The following UNC5D variants were observed in gnomAD, a reference collection of about 807,000 sequenced individuals.
UNC5D encodes unc-5 netrin receptor D.
UNC5D carries 39 observed loss-of-function variants against 105.4 expected under a neutral mutation model. The ratio of observed to expected loss-of-function variants is 0.37; its 90% CI spans 0.29 to 0.48. UNC5D has a LOEUF of 0.48. Ranked by LOEUF, UNC5D falls within the 20% of genes least tolerant of loss-of-function variation. The probability of loss-of-function intolerance (pLI) is 0.98; values close to 1 mark genes in which losing one functional copy is unlikely to be tolerated. For synonymous variants in UNC5D, 452 were observed against 450.4 expected (o/e 1.00, Z -0.04); for missense variants, 991 against 1,202.4 (o/e 0.82, Z 2.60).
intron 4 of UNC5D, among the ~76,000 whole-genome samples, chr8:35,643,045 T>C (rs1822845499): frequency 6.6e-6 from 1 of 152,122 alleles, no homozygotes; most frequent in Non-Finnish European, 1.5e-5. Flanking sequence ...CTGTTTCTTG[T>C]CTATAGGAGA....
chr8:35,440,779 T>C (rs1807343810), intron 1 of UNC5D, among the ~76,000 whole-genome samples: 1 of 152,002 alleles, frequency 6.6e-6, no homozygotes, highest in South Asian at 2.1e-4. Flanking sequence ...ATAAAACATT[T>C]GTCACAAGTG....
At chr8:35,238,067 T>G (rs1802583134) in intron 1 of UNC5D, among the ~76,000 whole-genome samples, 2 of 152,238 alleles carry the variant, frequency 1.3e-5, no homozygotes, top group Non-Finnish European at 2.9e-5. Flanking sequence ...TTAATAGTTT[T>G]TGTTCTTTAG....
intron 3 of UNC5D, among the ~76,000 whole-genome samples, chr8:35,589,904 G>A (rs963003521): frequency 6.6e-6 from 1 of 151,948 alleles, no homozygotes; most frequent in Non-Finnish European, 1.5e-5. Flanking sequence ...ATTACAGCTC[G>A]CTCTTCATGT....
chr8:35,635,873 T>G (rs1028069861), intron 4 of UNC5D, among the ~76,000 whole-genome samples: 1 of 152,190 alleles, frequency 6.6e-6, no homozygotes, highest in Non-Finnish European at 1.5e-5. Context: ...GTTTTCAGCC[T>G]TTCCTCTCTC....
chr8:35,533,616 C>T (rs917382998), intron 1 of UNC5D, among the ~76,000 whole-genome samples: 2 of 152,254 alleles, frequency 1.3e-5, no homozygotes, highest in African/African-American at 4.8e-5. Context: ...CTAAGCAAGC[C>T]TGGACAATGG....
intron 16 of UNC5D, among the ~76,000 whole-genome samples, chr8:35,788,490 T>A (rs189407030): frequency 1.5e-3 from 223 of 152,312 alleles, no homozygotes; most frequent in Middle Eastern, 3.4e-3. Flanking sequence ...CATAGAAAAG[T>A]TACTGTCCTA....
chr8:35,258,068 G>T (rs1038933097), intron 1 of UNC5D, among the ~76,000 whole-genome samples: 3 of 152,156 alleles, frequency 2.0e-5, no homozygotes, highest in African/African-American at 7.2e-5. Flanking sequence ...TTGGAGGTTG[G>T]CAAGTCCAAG....
At chr8:35,707,139 T>C (rs1274053463) in intron 8 of UNC5D, among the ~76,000 whole-genome samples, 1 of 152,182 alleles carries the variant, frequency 6.6e-6, no homozygotes, top group Non-Finnish European at 1.5e-5. Context: ...ATGAGCTAAC[T>C]TCTTTGAGAG....
At chr8:35,360,827 A>G (rs762200133) in intron 1 of UNC5D, among the ~76,000 whole-genome samples, 3 of 152,090 alleles carry the variant, frequency 2.0e-5, no homozygotes, top group Non-Finnish European at 4.4e-5. Context: ...TAAAACACAC[A>G]TTGCAGCTAC....
intron 1 of UNC5D, among the ~76,000 whole-genome samples, chr8:35,497,851 C>T (rs1015795291): frequency 1.3e-5 from 2 of 151,878 alleles, no homozygotes; most frequent in South Asian, 2.1e-4. Flanking sequence ...AGGTGGATCA[C>T]CTGAGGTCAG....
chr8:35,593,324 A>T (rs1410952198), intron 3 of UNC5D, among the ~76,000 whole-genome samples: 1 of 152,218 alleles, frequency 6.6e-6, no homozygotes, highest in Non-Finnish European at 1.5e-5. Context: ...AATTTGCACT[A>T]TATGTTTTCT....
At chr8:35,323,192 T>A (rs562316389) in intron 1 of UNC5D, among the ~76,000 whole-genome samples, 1 of 62,112 alleles carries the variant, frequency 1.6e-5, no homozygotes, top group Non-Finnish European at 4.7e-5. Context: ...CTTTTTCTTT[T>A]TTTTTTTTTT....
chr8:35,383,954 C>G (rs747234165), intron 1 of UNC5D, among the ~76,000 whole-genome samples: 1 of 151,806 alleles, frequency 6.6e-6, no homozygotes, highest in African/African-American at 2.4e-5. Flanking sequence ...CGGTGGCTCA[C>G]GCCTGTCATC....
intron 4 of UNC5D, among the ~76,000 whole-genome samples, chr8:35,681,570 C>T (rs144611490): frequency 1.2e-3 from 182 of 152,268 alleles, no homozygotes; most frequent in African/African-American, 4.1e-3. Flanking sequence ...GTTCCATTGC[C>T]CTACTTTGTT....
At chr8:35,746,575 A>G (rs1039719291) in intron 11 of UNC5D, among the ~76,000 whole-genome samples, 7 of 152,162 alleles carry the variant, frequency 4.6e-5, no homozygotes, top group African/African-American at 1.4e-4. Context: ...CTCATATTCA[A>G]TATGCACTGC....
intron 1 of UNC5D, among the ~76,000 whole-genome samples, chr8:35,257,822 A>G (rs992515090): frequency 4.6e-5 from 7 of 152,206 alleles, no homozygotes; most frequent in African/African-American, 1.7e-4. Context: ...AAGTTCTCAA[A>G]GGGAGAAAAG....
intron 1 of UNC5D, among the ~76,000 whole-genome samples, chr8:35,404,631 A>G (rs182767489): frequency 6.6e-6 from 1 of 152,044 alleles, no homozygotes; most frequent in East Asian, 1.9e-4. Flanking sequence ...TCTGTTGCCC[A>G]GGCTGGAGTG....
chr8:35,655,763 C>T (rs1369042577), intron 4 of UNC5D, among the ~76,000 whole-genome samples: 1 of 152,072 alleles, frequency 6.6e-6, no homozygotes, highest in African/African-American at 2.4e-5. Flanking sequence ...GAAGGGCAGT[C>T]CTTTCAGACA....
In UNC5D at chr8:35,345,400, A is replaced by G. The variant is rs1169869749; in HGVS notation, c.103+109513A>G. 2.0e-5 allele frequency among the ~76,000 whole-genome samples: 3 copies of G among 152,030 alleles called. No individual in the cohort carries two copies. In the South Asian group the frequency reaches 6.2e-4, roughly 31 times the overall value. On this transcript the variant is annotated intron_variant, in intron 1 of 16. Coordinates refer to ENST00000404895, the MANE Select transcript of UNC5D (RefSeq NM_080872.4). Reference sequence around the variant, plus strand: ...CAAGGGAACCTGGAAAGAAAAAAGTATCCTACTGTGTGGTTTGGTTTTGTC... The same window carrying G: ...CAAGGGAACCTGGAAAGAAAAAAGTGTCCTACTGTGTGGTTTGGTTTTGTC...
Sources: gnomAD v4.1 joint callset for allele counts (sites outside exome capture counted in the v4.1 genomes callset) on GRCh38, gnomAD v4.1.1 for gene constraint, MANE v1.5 for transcripts, NCBI Gene and HGNC (gene_info 2026-07-23, HGNC 2026-07-21) for gene names.